The following B3GALT1 variants were observed in gnomAD, a reference collection of about 807,000 sequenced individuals.
The protein encoded by B3GALT1 is beta-1,3-galactosyltransferase 1, also known as UDP-Gal:betaGlcNAc beta 1,3-galactosyltransferase, polypeptide 1.
A neutral mutation model predicts 23.2 loss-of-function variants in B3GALT1; 10 were observed. The observed-to-expected ratio is 0.43, with a 90% CI of 0.27 to 0.73. The LOEUF is 0.73. Ranked by LOEUF, B3GALT1 falls within the 30% of genes least tolerant of loss-of-function variation. The pLI is 0.21. For missense variants in B3GALT1, 299 were observed against 405.4 expected, an observed-to-expected ratio of 0.74 and a Z score of 2.25; for synonymous variants, 156 against 141.5, an observed-to-expected ratio of 1.10 and a Z score of -0.73.
rs74973656 is a variant in B3GALT1, at chr2:167,734,989, C to A, written c.-351-83683C>A. On this transcript the variant is annotated intron_variant, in intron 3 of 4. Transcript: ENST00000392690. ...TTCTCTTCCCTTTCTGCTTATGCTG[C>A]CATCATTTTCTCACTCTCTGTTCAA... Among the ~76,000 whole-genome samples, 172 of 152,226 alleles carry A rather than the reference C, an allele frequency of 1.1e-3. 5 individuals are homozygous for A. The East Asian group carries it at 0.028, about 24-fold the overall frequency.
At chr2:167,672,172 C>T (rs988024597) in intron 3 of B3GALT1, among the ~76,000 whole-genome samples, 1 of 152,048 alleles carries the variant, frequency 6.6e-6, no homozygotes, top group Non-Finnish European at 1.5e-5. Context: ...TCCAGCTTCC[C>T]TTTTGGAGAA....
At chr2:167,638,201 C>T (rs1393573505) in intron 2 of B3GALT1, among the ~76,000 whole-genome samples, 1 of 151,918 alleles carries the variant, frequency 6.6e-6, no homozygotes, top group African/African-American at 2.4e-5. Flanking sequence ...GCTCAGAGAT[C>T]CATAATTTCA....
At chr2:167,714,681 T>A in intron 3 of B3GALT1, 2 of 1,613,906 alleles carry the variant, frequency 1.2e-6, no homozygotes, top group Non-Finnish European at 8.5e-7. Context: ...AACCAATTAT[T>A]ATGTCCTTTT....
Position 167,428,919 on chromosome 2 carries a change from C to T in B3GALT1, c.-510-61258C>T, listed in dbSNP as rs1023410185. Among the ~76,000 whole-genome samples, 8 of 152,034 alleles carry T rather than the reference C, an allele frequency of 5.3e-5. No individual in the cohort carries two copies. In the East Asian group the frequency reaches 1.2e-3, roughly 22 times the overall value. On this transcript the variant is annotated intron_variant, in intron 1 of 4. Transcript: ENST00000392690. ...TAATTTAATTAATAAATATATTTAT[C>T]GACATACCATCTTATTCTAAAGGGG...
At chr2:167,476,938 C>G (rs796469920) in intron 1 of B3GALT1, among the ~76,000 whole-genome samples, 16 of 152,182 alleles carry the variant, frequency 1.1e-4, no homozygotes, top group African/African-American at 3.9e-4. Context: ...TATTGAAGTT[C>G]CGTAAATAAT....
intron 4 of B3GALT1, among the ~76,000 whole-genome samples, chr2:167,849,015 C>T (rs992790471): frequency 1.3e-5 from 2 of 152,082 alleles, no homozygotes. Flanking sequence ...TAGGAATACA[C>T]CTAACCAAGG....
intron 2 of B3GALT1, among the ~76,000 whole-genome samples, chr2:167,645,141 G>T (rs1249980135): frequency 6.6e-6 from 1 of 152,106 alleles, no homozygotes; most frequent in Non-Finnish European, 1.5e-5. Context: ...GCAAGAGTAA[G>T]GGTGCTGACT....
intron 1 of B3GALT1, among the ~76,000 whole-genome samples, chr2:167,294,629 A>G (rs890584430): frequency 3.3e-5 from 5 of 152,122 alleles, no homozygotes; most frequent in African/African-American, 7.2e-5. Context: ...AAATACCTCA[A>G]TACTAAGGAG....
chr2:167,854,932 T>G (rs1367223299), intron 4 of B3GALT1, among the ~76,000 whole-genome samples: 2 of 152,184 alleles, frequency 1.3e-5, no homozygotes, highest in African/African-American at 4.8e-5. Context: ...CACCTGTCTC[T>G]CAGAGCTTAA....
chr2:167,857,530 A>C (rs1266775928), intron 4 of B3GALT1, among the ~76,000 whole-genome samples: 1 of 152,088 alleles, frequency 6.6e-6, no homozygotes, highest in African/African-American at 2.4e-5. Flanking sequence ...TCTCAAGCAT[A>C]AAATGGTATC....
chr2:167,440,534 G>T (rs1254961476), intron 1 of B3GALT1, among the ~76,000 whole-genome samples: 1 of 151,792 alleles, frequency 6.6e-6, no homozygotes, highest in African/African-American at 2.4e-5. Context: ...ATTATTTCAT[G>T]TTTTAGATTA....
intron 1 of B3GALT1, among the ~76,000 whole-genome samples, chr2:167,336,952 G>C (rs1403358981): frequency 1.3e-5 from 2 of 152,040 alleles, no homozygotes; most frequent in African/African-American, 4.8e-5. Flanking sequence ...TCAAACAGTT[G>C]GGTTATGGTG....
At chr2:167,467,460 G>A (rs549231842) in intron 1 of B3GALT1, among the ~76,000 whole-genome samples, 2 of 152,130 alleles carry the variant, frequency 1.3e-5, no homozygotes, top group Non-Finnish European at 2.9e-5. Context: ...ATTACTTTGA[G>A]TTACTCCTAC....
intron 2 of B3GALT1, among the ~76,000 whole-genome samples, chr2:167,631,176 A>G (rs982789289): frequency 6.6e-6 from 1 of 151,914 alleles, no homozygotes; most frequent in Non-Finnish European, 1.5e-5. Context: ...CAAAATTATT[A>G]GTGTTTCTCT....
At chr2:167,844,297 C>T (rs989397717) in intron 4 of B3GALT1, among the ~76,000 whole-genome samples, 2 of 152,154 alleles carry the variant, frequency 1.3e-5, no homozygotes, top group Admixed American at 6.5e-5. Context: ...TGCAGAGACT[C>T]GCATTATGAA....
chr2:167,599,269 A>G (rs1684832789), intron 2 of B3GALT1, among the ~76,000 whole-genome samples: 1 of 152,190 alleles, frequency 6.6e-6, no homozygotes, highest in Non-Finnish European at 1.5e-5. Flanking sequence ...ATTCTTTTTT[A>G]TTATGTTTTG....
chr2:167,491,262 G>A (rs538554811), intron 2 of B3GALT1, among the ~76,000 whole-genome samples: 2 of 152,190 alleles, frequency 1.3e-5, no homozygotes, highest in South Asian at 4.2e-4. Flanking sequence ...TAGGTTTCAG[G>A]CTAATGGGGC....
At chr2:167,812,078 A>C (rs778261379) in intron 3 of B3GALT1, among the ~76,000 whole-genome samples, 4 of 152,244 alleles carry the variant, frequency 2.6e-5, no homozygotes, top group Non-Finnish European at 5.9e-5. Context: ...CCTATAGAAA[A>C]ATAAGCAAAA....
At chr2:167,350,229 T>C (rs1697287583) in intron 1 of B3GALT1, among the ~76,000 whole-genome samples, 1 of 152,196 alleles carries the variant, frequency 6.6e-6, no homozygotes, top group South Asian at 2.1e-4. Context: ...TGGTAAATTT[T>C]GTAAATCTCC....
Sources: allele counts gnomAD v4.1 joint callset (sites outside exome capture counted in the v4.1 genomes callset), GRCh38; gene constraint gnomAD v4.1.1; transcripts MANE v1.5; gene names NCBI Gene and HGNC (gene_info 2026-07-23, HGNC 2026-07-21).